Variants in DIAPH3 observed in about 807,000 individuals in gnomAD.
DIAPH3 encodes protein diaphanous homolog 3.
In DIAPH3, 117 loss-of-function variants were observed where a neutral mutation model predicts 144.3. That is an observed-to-expected ratio of 0.81 (90% CI 0.70 to 0.95). The LOEUF (loss-of-function observed/expected upper bound fraction) is 0.95. Among genes scored for constraint, DIAPH3 ranks in the 40% least tolerant of loss-of-function variants. The pLI, the probability that DIAPH3 is intolerant of heterozygous loss-of-function variation, is 0.00. For missense variants in DIAPH3, 1,421 were observed against 1,412.7 expected, an observed-to-expected ratio of 1.01 and a Z score of -0.09; for synonymous variants, 519 against 488.9, an observed-to-expected ratio of 1.06 and a Z score of -0.81.
At chr13:60,001,498 C>G (rs1414952297) in intron 9 of DIAPH3, among the ~76,000 whole-genome samples, 1 of 152,162 alleles carries the variant, frequency 6.6e-6, no homozygotes, top group Admixed American at 6.5e-5. Context: ...TTTCCTGAAC[C>G]AAGAACTGTA....
chr13:59,958,431 T>C (rs1372831411), intron 17 of DIAPH3, among the ~76,000 whole-genome samples: 2 of 152,110 alleles, frequency 1.3e-5, no homozygotes, highest in African/African-American at 4.8e-5. Flanking sequence ...CAACAGGCAA[T>C]GTAGACATTG....
intron 12 of DIAPH3, among the ~76,000 whole-genome samples, chr13:59,987,297 G>A (rs548222066): frequency 1.9e-4 from 28 of 151,348 alleles, no homozygotes; most frequent in African/African-American, 6.3e-4. Flanking sequence ...GACACATGAA[G>A]GGGAATATCA....
At chr13:59,722,174 T>C (rs2035378044) in intron 27 of DIAPH3, among the ~76,000 whole-genome samples, 1 of 152,166 alleles carries the variant, frequency 6.6e-6, no homozygotes, top group Admixed American at 6.5e-5. Context: ...TCGGTATACG[T>C]CCTCATAGAA....
At chr13:59,683,744 C>T (rs775697503) in intron 27 of DIAPH3, among the ~76,000 whole-genome samples, 3 of 152,148 alleles carry the variant, frequency 2.0e-5, no homozygotes, top group Non-Finnish European at 4.4e-5. Flanking sequence ...CTTCCTCTAA[C>T]GTTCTTTCAC....
intron 27 of DIAPH3, among the ~76,000 whole-genome samples, chr13:59,716,511 GA>G (rs2035071803): frequency 1.3e-5 from 2 of 152,146 alleles, no homozygotes; most frequent in South Asian, 4.1e-4. Context: ...TAACAAAGAA[GA>G]AGTATCAGCA....
intron 5 of DIAPH3, among the ~76,000 whole-genome samples, chr13:60,029,222 C>T (rs2054608719): frequency 6.6e-6 from 1 of 152,004 alleles, no homozygotes; most frequent in South Asian, 2.1e-4. Context: ...TCCAATCCAC[C>T]AACAGGTCCT....
chr13:60,010,602 C>T lies in DIAPH3; in HGVS notation c.839G>A (p.Arg280Lys). 1 of 1,613,762 alleles carries T rather than the reference C, an allele frequency of 6.2e-7. No individual in the cohort carries two copies. Among genetic ancestry groups the T allele is most frequent in the Non-Finnish European group, 8.5e-7 (1 of 1,179,804 alleles). The change falls in exon 8 of 28, where the codon AGA becomes AAA. Residue 280 changes from arginine to lysine, a missense_variant. Arg to Lys is a conservative substitution (Grantham distance 26, BLOSUM62 2). Coordinates refer to ENST00000400324, the MANE Select transcript of DIAPH3 (RefSeq NM_001042517.2). ...CACATCTGTCATCATATTGGGGTGT[C>T]TGGGATCCACGGCTTTGGCCAATAA... ...LSLLAKAVDP[R>K]HPNMMTDVVK... is the part of the protein sequence containing the mutation.
intron 14 of DIAPH3, among the ~76,000 whole-genome samples, chr13:59,975,792 AAACT>A (rs1223103298): frequency 6.6e-6 from 1 of 152,016 alleles, no homozygotes; most frequent in Non-Finnish European, 1.5e-5. Flanking sequence ...AAAATAACAA[AAACT>A]AATAGGTAAA....
chr13:59,831,682 A>T (rs1292707163), intron 24 of DIAPH3, among the ~76,000 whole-genome samples: 1 of 151,812 alleles, frequency 6.6e-6, no homozygotes, highest in East Asian at 1.9e-4. Flanking sequence ...TAGCATATCT[A>T]TATAGGTTGG....
rs1164103019 is a variant in DIAPH3, at chr13:59,916,164, A to G, written c.2256T>C (p.Ser752=). The change falls in exon 19 of 28, where the codon TCT becomes TCC. Residue 752 remains serine (S), a synonymous_variant. Transcript: ENST00000400324. ...LEVDETRLAE[S]MIQNLIKHLP... is the part of the protein sequence containing the mutation. ...GTGCCTGTTTGTTTACCTGAATCATAGACTCTGCCAACCGTGTTTCATCTA... is the reference window on the plus strand; with the variant it reads ...GTGCCTGTTTGTTTACCTGAATCATGGACTCTGCCAACCGTGTTTCATCTA... The G allele has an allele frequency of 6.2e-7, 1 of 1,612,726 alleles. No homozygotes were observed. Among genetic ancestry groups the G allele is most frequent in the Admixed American group, 1.7e-5 (1 of 59,976 alleles).
At chr13:60,120,879 A>T (rs1216675281) in intron 2 of DIAPH3, among the ~76,000 whole-genome samples, 1 of 152,256 alleles carries the variant, frequency 6.6e-6, no homozygotes, top group Non-Finnish European at 1.5e-5. Context: ...TTTTGATGCA[A>T]GAAACTGAAA....
rs1176076288 is a variant in DIAPH3, at chr13:59,970,058, T to C, written c.1960A>G (p.Ile654Val). Residue 654 changes from isoleucine to valine, a missense_variant and splice_region_variant, in exon 17 of 28, where the codon ATC (isoleucine) becomes GTC (valine). By Grantham distance (29) the Ile-to-Val change is conservative. Coordinates refer to ENST00000400324, the MANE Select transcript of DIAPH3 (RefSeq NM_001042517.2). ...ISMRRLNWLK[I>V]RPHEMTENCF... is the part of the protein sequence containing the mutation. ...TTTTCAGTCATTTCATGAGGTCTGA[T>C]CTACAATCAGAGAGAAGACTGATTC... 99 of 1,566,922 alleles carry C rather than the reference T, an allele frequency of 6.3e-5. No homozygotes were observed. Among genetic ancestry groups the C allele is most frequent in the Non-Finnish European group, 8.7e-5 (99 of 1,142,776 alleles).
chr13:59,950,054 A>T (rs1441107222), intron 17 of DIAPH3, among the ~76,000 whole-genome samples: 1 of 152,206 alleles, frequency 6.6e-6, no homozygotes, highest in East Asian at 1.9e-4. Flanking sequence ...TGCAACACAG[A>T]GCTGTGTGAT....
At chr13:60,049,507 A>C (rs943317855) in intron 4 of DIAPH3, among the ~76,000 whole-genome samples, 2 of 152,080 alleles carry the variant, frequency 1.3e-5, no homozygotes, top group Admixed American at 6.6e-5. Context: ...CACCACTACT[A>C]CAACCCTTAC....
intron 27 of DIAPH3, among the ~76,000 whole-genome samples, chr13:59,749,379 G>A (rs1480771596): frequency 1.3e-5 from 2 of 150,506 alleles, no homozygotes; most frequent in African/African-American, 4.9e-5. Context: ...AATTAGCCAG[G>A]CGTGGTGGTG....
At chr13:60,112,275 A>T in intron 2 of DIAPH3, 89 bp from the exon 3 acceptor site, 1 of 1,435,274 alleles carries the variant, frequency 7.0e-7, no homozygotes, top group Non-Finnish European at 9.7e-7. Context: ...AAAGAGGGCC[A>T]ATCGTGTTAT....
At chr13:59,707,095 A>G (rs1055149508) in intron 27 of DIAPH3, among the ~76,000 whole-genome samples, 22 of 152,190 alleles carry the variant, frequency 1.4e-4, no homozygotes, top group African/African-American at 5.3e-4. Flanking sequence ...ACACAAAATG[A>G]AGTCATATTC....
At chr13:59,933,857 T>C (rs1249316950) in intron 17 of DIAPH3, among the ~76,000 whole-genome samples, 1 of 152,214 alleles carries the variant, frequency 6.6e-6, no homozygotes, top group Non-Finnish European at 1.5e-5. Flanking sequence ...GTTTCAAAAA[T>C]AGTAGCAAAA....
intron 27 of DIAPH3, among the ~76,000 whole-genome samples, chr13:59,689,725 T>A (rs1374369964): frequency 6.6e-6 from 1 of 151,752 alleles, no homozygotes; most frequent in Non-Finnish European, 1.5e-5. Context: ...TTGGCAGATG[T>A]TGGGGGACAA....
Sources: allele counts gnomAD v4.1 joint callset (sites outside exome capture counted in the v4.1 genomes callset), GRCh38; gene constraint gnomAD v4.1.1; transcripts MANE v1.5; gene names NCBI Gene and HGNC (gene_info 2026-07-23, HGNC 2026-07-21).